The following RALA variants were observed in gnomAD, a reference collection of about 807,000 sequenced individuals.
RALA encodes the protein ras-related protein Ral-A.
Under a neutral mutation model 24.0 loss-of-function variants are expected in RALA, and 5 were observed. That is an observed-to-expected ratio of 0.21 (90% confidence interval 0.11 to 0.44). The LOEUF (loss-of-function observed/expected upper bound fraction) is 0.44, where lower values mean the gene tolerates loss of function less well. RALA is among the 20% of genes least tolerant of loss of function. RALA has a pLI of 0.99. For missense variants in RALA, 95 were observed against 241.2 expected, an observed-to-expected ratio of 0.39 and a Z score of 4.01; for synonymous variants, 77 against 83.8, an observed-to-expected ratio of 0.92 and a Z score of 0.44.
chr7:39,678,640 AT>A (rs1266421003), intron 1 of RALA, among the ~76,000 whole-genome samples: 1 of 152,184 alleles, frequency 6.6e-6, no homozygotes, highest in Non-Finnish European at 1.5e-5. Context: ...AAGTCACACA[AT>A]TTGGAATTCA....
At position 39,681,362 on chromosome 7, in the gene RALA, G is replaced by T. The variant is rs183915448; in HGVS notation, c.-37-5269G>T. Reference sequence around the variant, plus strand: ...AGACAGAGTCTTACTCTCTAGCCCAGGCTGGAGTGCAATGGTGCAATCTTG... The same window carrying T: ...AGACAGAGTCTTACTCTCTAGCCCATGCTGGAGTGCAATGGTGCAATCTTG... On this transcript the variant is annotated intron_variant, in intron 1 of 4. Coordinates refer to ENST00000005257, the MANE Select transcript of RALA (RefSeq NM_005402.4). 2.0e-3 allele frequency among the ~76,000 whole-genome samples: 235 copies of T among 117,450 alleles called. 1 individual carries two copies. The Middle Eastern group carries it at 0.03, about 15-fold the overall frequency. The allele number at this position is 117,450 out of a possible 152,430, so 77.1% of individuals were successfully genotyped here.
intron 1 of RALA, among the ~76,000 whole-genome samples, chr7:39,649,561 G>A (rs887826793): frequency 5.9e-5 from 9 of 152,116 alleles, no homozygotes; most frequent in Admixed American, 1.3e-4. Flanking sequence ...ATTCGTCCCC[G>A]CTGGAGGATG....
At chr7:39,651,824 T>C (rs1422419391) in intron 1 of RALA, among the ~76,000 whole-genome samples, 1 of 152,216 alleles carries the variant, frequency 6.6e-6, no homozygotes, top group Non-Finnish European at 1.5e-5. Context: ...TGTTATTCAG[T>C]ACTCAGTGTC....
chr7:39,698,916 A>T (rs1393733922), intron 4 of RALA, among the ~76,000 whole-genome samples: 1 of 152,180 alleles, frequency 6.6e-6, no homozygotes, highest in Admixed American at 6.5e-5. Flanking sequence ...GGTCTCACTT[A>T]TAAAAAGGGA....
intron 1 of RALA, among the ~76,000 whole-genome samples, chr7:39,666,213 A>G (rs1792284848): frequency 6.6e-6 from 1 of 152,138 alleles, no homozygotes; most frequent in African/African-American, 2.4e-5. Context: ...TAAAAATTCA[A>G]AAAAAATGTA....
chr7:39,671,893 C>T (rs1792396324), intron 1 of RALA, among the ~76,000 whole-genome samples: 2 of 152,032 alleles, frequency 1.3e-5, no homozygotes, highest in South Asian at 4.1e-4. Flanking sequence ...TTGTTCCTAC[C>T]GAGCTTGATG....
rs376574999 is a variant in RALA at position 39,706,120 on chromosome 7, T to A, written c.499-3T>A. The stretch of plus-strand genomic sequence containing the variant: ...TTATTTATCCTATTTTTTTTCTTTC[T>A]AGGTATTTTTTGATTTAATGAGAGA... On this transcript the variant is annotated splice_polypyrimidine_tract_variant and splice_region_variant and intron_variant, in intron 4 of 4. Transcript: ENST00000005257. The A allele has an allele frequency of 6.3e-7, 1 of 1,597,928 alleles. No individual in the cohort carries two copies. Among genetic ancestry groups the A allele is most frequent in the Non-Finnish European group, 8.5e-7 (1 of 1,172,310 alleles).
intron 2 of RALA, among the ~76,000 whole-genome samples, chr7:39,688,263 G>T (rs9648483): frequency 6.6e-6 from 1 of 151,924 alleles, no homozygotes; most frequent in Admixed American, 6.6e-5. Context: ...TTAGCTGGGC[G>T]TGGTGCTGCA....
chr7:39,674,947 C>T (rs1276207196), intron 1 of RALA, among the ~76,000 whole-genome samples: 3 of 151,422 alleles, frequency 2.0e-5, no homozygotes, highest in African/African-American at 4.9e-5. Context: ...CTTCAGCCTC[C>T]TGCATAGCTG....
intron 1 of RALA, among the ~76,000 whole-genome samples, chr7:39,665,674 C>T (rs2876862): frequency 0.72 from 107,607 of 150,428 alleles, 39,364 homozygotes; most frequent in African/African-American, 0.89. Context: ...GTGTGATTAT[C>T]GCTATTTTAT....
In RALA at chr7:39,673,189, A is replaced by G. The variant is rs1792420117; in HGVS notation, c.-37-13442A>G. 2.0e-5 allele frequency among the ~76,000 whole-genome samples: 3 copies of G among 151,944 alleles called. No homozygotes were observed. The South Asian group carries it at 6.2e-4, about 31-fold the overall frequency. On this transcript the variant is annotated intron_variant, in intron 1 of 4. Coordinates refer to ENST00000005257, the MANE Select transcript of RALA (RefSeq NM_005402.4). ...GGCGACAGAGCGAGACTCTGTCTCA[A>G]AAAAAAGAGAGAAATTATCTTCACA...
chr7:39,631,011 GTT>G (rs70996823), intron 1 of RALA, among the ~76,000 whole-genome samples: 2,191 of 139,232 alleles, frequency 0.016, 32 homozygotes, highest in African/African-American at 0.052. Context: ...TTTTGTTTTT[GTT>G]TTTTTTTTTT....
intron 1 of RALA, among the ~76,000 whole-genome samples, chr7:39,647,170 G>A (rs1202511694): frequency 1.3e-5 from 2 of 152,266 alleles, no homozygotes; most frequent in East Asian, 3.9e-4. Flanking sequence ...AGCCTCCCAA[G>A]TAGCTAGGAC....
intron 1 of RALA, among the ~76,000 whole-genome samples, chr7:39,677,207 C>A (rs923399642): frequency 6.6e-6 from 1 of 152,206 alleles, no homozygotes; most frequent in Non-Finnish European, 1.5e-5. Context: ...CTGAAGCCCC[C>A]TCAAGGAACC....
At chr7:39,641,643 T>C (rs1188048193) in intron 1 of RALA, among the ~76,000 whole-genome samples, 1 of 152,242 alleles carries the variant, frequency 6.6e-6, no homozygotes, top group East Asian at 1.9e-4. Flanking sequence ...TGTTATATGA[T>C]TCATATTTGA....
At chr7:39,652,646 A>G (rs1295332867) in intron 1 of RALA, among the ~76,000 whole-genome samples, 1 of 152,230 alleles carries the variant, frequency 6.6e-6, no homozygotes, top group Non-Finnish European at 1.5e-5. Context: ...TAATACCTGT[A>G]TAAGGTAAGA....
chr7:39,687,210 A>C (rs1208356831), intron 2 of RALA, among the ~76,000 whole-genome samples: 1 of 152,062 alleles, frequency 6.6e-6, no homozygotes, highest in Non-Finnish European at 1.5e-5. Context: ...GGCAGATCAC[A>C]AGGTTAGGAG....
chr7:39,643,831 C>T (rs1436712998), intron 1 of RALA, among the ~76,000 whole-genome samples: 2 of 152,024 alleles, frequency 1.3e-5, no homozygotes, highest in South Asian at 4.2e-4. Flanking sequence ...TGCACTCCAG[C>T]CTGGGTGACA....
At chr7:39,659,222 T>C (rs1312247757) in intron 1 of RALA, among the ~76,000 whole-genome samples, 1 of 152,076 alleles carries the variant, frequency 6.6e-6, no homozygotes, top group Non-Finnish European at 1.5e-5. Context: ...AAGGCTGCAG[T>C]GAGCTGAGAT....
Sources: allele counts gnomAD v4.1 joint callset (sites outside exome capture counted in the v4.1 genomes callset), GRCh38; gene constraint gnomAD v4.1.1; transcripts MANE v1.5; gene names NCBI Gene and HGNC (gene_info 2026-07-23, HGNC 2026-07-21).